The following NELL1 variants were observed in gnomAD, a reference collection of about 807,000 sequenced individuals.
NELL1 encodes the protein neural EGFL like 1.
NELL1 carries 76 observed loss-of-function variants against 107.4 expected under a neutral mutation model. That is an observed-to-expected ratio of 0.71 (90% confidence interval 0.59 to 0.86). The LOEUF is 0.86. Among genes scored for constraint, NELL1 ranks in the 40% least tolerant of loss-of-function variants. NELL1 has a pLI of 0.00. For missense variants in NELL1, 1,024 were observed against 1,005.5 expected (o/e 1.02, Z -0.25); for synonymous variants, 353 against 341.2 (o/e 1.03, Z -0.38).
At chr11:21,082,884 T>C (rs1030732734) in intron 12 of NELL1, among the ~76,000 whole-genome samples, 4 of 152,188 alleles carry the variant, frequency 2.6e-5, no homozygotes, top group African/African-American at 9.7e-5. Flanking sequence ...TAGTGCTAGG[T>C]AGAAATTAAA....
Position 21,232,179 on chromosome 11 carries a change from A to ATATATATATATAT in NELL1, c.1549+2725_1549+2726insTATATATATATAT, listed in dbSNP as rs1565122814. ...AAAAAAATATATATATATATATATA[A>ATATATATATATAT]ATTAGCTGGGCGTGGTGGTGTCCAC... is the stretch of plus-strand genomic sequence containing the variant. On this transcript the variant is annotated intron_variant, in intron 14 of 19. Coordinates refer to ENST00000357134, the MANE Select transcript of NELL1 (RefSeq NM_006157.5). Among the ~76,000 whole-genome samples, 50 of 111,464 alleles carry ATATATATATATAT rather than the reference A, an allele frequency of 4.5e-4. 2 individuals are homozygous for ATATATATATATAT. The highest frequency in any genetic ancestry group is 9.5e-3 in the Middle Eastern group (2 of 210). 73.1% of individuals were successfully genotyped at this position (111,464 alleles called of 152,430 possible). A position where few individuals can be genotyped will look rare whatever the true frequency, so the allele number is the denominator to read the frequency against.
intron 16 of NELL1, among the ~76,000 whole-genome samples, chr11:21,543,244 C>T (rs1856339208): frequency 6.6e-6 from 1 of 151,950 alleles, no homozygotes; most frequent in African/African-American, 2.4e-5. Context: ...TTGTTGTTTC[C>T]AAAGAGCTTT....
intron 16 of NELL1, among the ~76,000 whole-genome samples, chr11:21,558,392 G>A (rs2133998722): frequency 6.8e-6 from 1 of 147,916 alleles, no homozygotes; most frequent in Non-Finnish European, 1.5e-5. Flanking sequence ...AAATAATCAA[G>A]CTACATAATA....
At chr11:20,996,424 T>C (rs1852091399) in intron 12 of NELL1, among the ~76,000 whole-genome samples, 1 of 152,188 alleles carries the variant, frequency 6.6e-6, no homozygotes, top group Non-Finnish European at 1.5e-5. Flanking sequence ...AGCCTTTCTA[T>C]CTTAACCACT....
chr11:20,758,699 G>T (rs1856352188), intron 2 of NELL1, among the ~76,000 whole-genome samples: 1 of 152,138 alleles, frequency 6.6e-6, no homozygotes, highest in South Asian at 2.1e-4. Flanking sequence ...ATTCTTTGTT[G>T]TGGGGAGCTA....
chr11:20,833,287 GC>G, intron 3 of NELL1, among the ~76,000 whole-genome samples: 1 of 147,276 alleles, frequency 6.8e-6, no homozygotes, highest in African/African-American at 2.5e-5. Context: ...ATAAATGTTA[GC>G]CATTATTATT....
At chr11:21,165,457 C>G (rs1464320477) in intron 13 of NELL1, among the ~76,000 whole-genome samples, 1 of 152,110 alleles carries the variant, frequency 6.6e-6, no homozygotes, top group East Asian at 1.9e-4. Flanking sequence ...CCGGAGTTAC[C>G]TTTTCAATAA....
chr11:21,297,675 C>T (rs4628670), intron 14 of NELL1, among the ~76,000 whole-genome samples: 140,017 of 152,092 alleles, frequency 0.92, 64,631 homozygotes, highest in Non-Finnish European at 0.95. Flanking sequence ...AGCACTGAGA[C>T]TGCAGCTCTG....
intron 2 of NELL1, among the ~76,000 whole-genome samples, chr11:20,765,170 A>AT (rs1590273028): frequency 2.0e-5 from 2 of 101,404 alleles, no homozygotes; most frequent in African/African-American, 7.0e-5. Context: ...TTAAAAAAAA[A>AT]AAATAAAATG....
intron 2 of NELL1, among the ~76,000 whole-genome samples, chr11:20,750,926 G>C (rs1181985460): frequency 6.6e-6 from 1 of 152,036 alleles, no homozygotes; most frequent in Non-Finnish European, 1.5e-5. Flanking sequence ...ATAATGGTTG[G>C]GGTTCAGCTT....
chr11:20,701,491 G>A (rs553215962), intron 2 of NELL1, among the ~76,000 whole-genome samples: 315 of 152,126 alleles, frequency 2.1e-3, no homozygotes, highest in African/African-American at 7.1e-3. Context: ...TTCTTTTGCT[G>A]TGCAGAAGCT....
chr11:21,526,886 C>T (rs1173084568), intron 15 of NELL1, among the ~76,000 whole-genome samples: 1 of 152,204 alleles, frequency 6.6e-6, no homozygotes, highest in Non-Finnish European at 1.5e-5. Flanking sequence ...ATGGGAGGAG[C>T]TGCTGGGAAG....
intron 14 of NELL1, among the ~76,000 whole-genome samples, chr11:21,361,094 G>T (rs927191621): frequency 1.3e-5 from 2 of 151,762 alleles, no homozygotes; most frequent in Non-Finnish European, 2.9e-5. Context: ...TTCTTTTTTT[G>T]TATATTTTGA....
intron 14 of NELL1, among the ~76,000 whole-genome samples, chr11:21,328,207 G>T (rs374203797): frequency 6.6e-6 from 1 of 152,122 alleles, no homozygotes; most frequent in African/African-American, 2.4e-5. Flanking sequence ...TGGACCTATG[G>T]CCTCACTGCT....
intron 4 of NELL1, among the ~76,000 whole-genome samples, chr11:20,871,904 A>G (rs1849206233): frequency 6.6e-6 from 1 of 150,572 alleles, no homozygotes; most frequent in South Asian, 2.1e-4. Context: ...CTGTAGTCCC[A>G]GCTACTCAGG....
chr11:20,838,208 A>G (rs1268193357), intron 3 of NELL1, among the ~76,000 whole-genome samples: 4 of 150,982 alleles, frequency 2.6e-5, no homozygotes, highest in South Asian at 2.1e-4. Flanking sequence ...ACAAATCCCA[A>G]TTGTCAGATA....
chr11:21,522,233 C>CAAAA (rs34810194), intron 15 of NELL1, among the ~76,000 whole-genome samples: 1 of 128,494 alleles, frequency 7.8e-6, no homozygotes. Flanking sequence ...GACTCCGTCT[C>CAAAA]AAAAAAAAAA....
intron 2 of NELL1, among the ~76,000 whole-genome samples, chr11:20,755,537 T>TTTTTTTTTTG: frequency 1.3e-4 from 5 of 39,518 alleles, no homozygotes; most frequent in African/African-American, 4.0e-4. Context: ...TGTGTGGGTT[T>TTTTTTTTTTG]TTGTTTTTTT....
chr11:21,080,672 A>C (rs1854245650), intron 12 of NELL1, among the ~76,000 whole-genome samples: 1 of 152,126 alleles, frequency 6.6e-6, no homozygotes, highest in Non-Finnish European at 1.5e-5. Flanking sequence ...CACATGGTAC[A>C]TGCATATGTT....
Sources: allele counts gnomAD v4.1 joint callset (sites outside exome capture counted in the v4.1 genomes callset), GRCh38; gene constraint gnomAD v4.1.1; transcripts MANE v1.5; gene names NCBI Gene and HGNC (gene_info 2026-07-23, HGNC 2026-07-21).